PCSK7: variants seen among roughly 807,000 people sequenced by gnomAD.
PCSK7 encodes the protein proprotein convertase subtilisin/kexin type 7, also known as lymphoma proprotein convertase.
PCSK7 carries 38 observed loss-of-function variants against 73.3 expected under a neutral mutation model. The observed-to-expected ratio is 0.52, with a 90% CI of 0.40 to 0.68. The LOEUF is 0.68. Among genes scored for constraint, PCSK7 ranks in the 30% least tolerant of loss-of-function variants. The pLI is 0.00. For synonymous variants in PCSK7, 296 were observed against 383.8 expected, an observed-to-expected ratio of 0.77 and a Z score of 2.68; for missense variants, 692 against 991.5, an observed-to-expected ratio of 0.70 and a Z score of 4.06.
At chr11:117,224,609 G>T in intron 7 of PCSK7, 92 bp downstream of exon 7, 1 of 1,009,052 alleles carries the variant, frequency 9.9e-7, no homozygotes, top group Non-Finnish European at 1.6e-6. Flanking sequence ...GCGTGGAGGT[G>T]GAGTGGGAAG....
chr11:117,204,554 A>G lies in PCSK7; in HGVS notation c.*1443T>C, dbSNP rs1271300312. ...CAGCCTCAGCCCAACTTCTTACCCG[A>G]AAGCATCACTGCCTTGGCCCCTCCC... On this transcript the variant is annotated 3_prime_UTR_variant, in exon 17 of 17. Transcript: ENST00000320934. 4 of 814,280 alleles carry G rather than the reference A, an allele frequency of 4.9e-6. No individual in the cohort carries two copies. The highest frequency in any genetic ancestry group is 6.1e-6 in the Non-Finnish European group (3 of 493,644). 50.4% of individuals were successfully genotyped at this position (814,280 alleles called of 1,614,324 possible).
chr11:117,225,989 T>A lies in PCSK7; in HGVS notation c.802A>T (p.Ser268Cys). 2.5e-6 allele frequency: 4 copies of A among 1,611,568 alleles called. No individual in the cohort carries two copies. Among genetic ancestry groups the A allele is most frequent in the Non-Finnish European group, 3.4e-6 (4 of 1,177,634 alleles). ...TTGTTGAACGCCACTGCCTCCATGCTGTCTGTGAGAGGTCCATCCAGTACC... is the reference window on the plus strand; with the variant it reads ...TTGTTGAACGCCACTGCCTCCATGCAGTCTGTGAGAGGTCCATCCAGTACC... ...IRVLDGPLTD[S>C]MEAVAFNKHY... is the part of the protein sequence containing the mutation. The change falls in exon 6 of 17, where the codon AGC becomes TGC. Residue 268 changes from serine (S) to cysteine (C), a missense_variant. Ser to Cys is a moderately radical substitution (Grantham distance 112). Coordinates refer to ENST00000320934, the MANE Select transcript of PCSK7 (RefSeq NM_004716.4).
Position 117,226,533 on chromosome 11 carries a change from G to A in PCSK7, c.770-512C>T, listed in dbSNP as rs75519898. ...GAGAGAGACAAAGTCTGGCTCTGTCGCCCAGGCTGCAGTGCTGTGGCACTT... is the reference window on the plus strand; with the variant it reads ...GAGAGAGACAAAGTCTGGCTCTGTCACCCAGGCTGCAGTGCTGTGGCACTT... On this transcript the variant is annotated intron_variant, in intron 5 of 16. Coordinates refer to ENST00000320934, the MANE Select transcript of PCSK7 (RefSeq NM_004716.4). 6.8e-4 allele frequency: 109 copies of A among 160,452 alleles called. No homozygotes were observed. In the East Asian group the frequency reaches 0.019, roughly 27 times the overall value. The allele number at this position is 160,452 out of a possible 1,614,324, so 9.9% of individuals were successfully genotyped here.
At chr11:117,224,009 G>A in intron 8 of PCSK7, 69 bp downstream of exon 8, 3 of 1,490,672 alleles carry the variant, frequency 2.0e-6, no homozygotes, top group South Asian at 2.3e-5. Flanking sequence ...CAGAAGCTAG[G>A]ACAAGACGTG....
At chr11:117,227,461 G>C in intron 4 of PCSK7, 139 bp from the exon 5 acceptor site, 1 of 723,528 alleles carries the variant, frequency 1.4e-6, no homozygotes, top group Non-Finnish European at 2.4e-6. Flanking sequence ...TTCTGTTTTT[G>C]AGATGGAGTC....
intron 8 of PCSK7, chr11:117,223,541 A>G (rs1460787723): frequency 1.8e-6 from 1 of 554,770 alleles, no homozygotes; most frequent in Non-Finnish European, 3.2e-6. Flanking sequence ...GCTCTGGGGT[A>G]CAACTGGCAG....
intron 5 of PCSK7, chr11:117,226,341 G>C: frequency 3.1e-6 from 1 of 320,190 alleles, no homozygotes; most frequent in Admixed American, 4.1e-5. Context: ...TCACCATATT[G>C]GTCAGGCTGG....
chr11:117,224,498 G>T (rs969586786), intron 7 of PCSK7, among the ~76,000 whole-genome samples: 4 of 152,116 alleles, frequency 2.6e-5, no homozygotes, highest in Non-Finnish European at 5.9e-5. Context: ...AGATGAAAGG[G>T]AAACAATCTC....
chr11:117,225,212 C>T (rs2032375590), intron 6 of PCSK7: 1 of 157,642 alleles, frequency 6.3e-6, no homozygotes, highest in South Asian at 1.8e-4. Flanking sequence ...CAGGTGCCCA[C>T]CACCAAGCCT....
intron 12 of PCSK7, chr11:117,216,455 T>TTTTG: frequency 6.6e-6 from 1 of 150,858 alleles, no homozygotes; most frequent in Admixed American, 6.6e-5. Flanking sequence ...TTTTTTTTTT[T>TTTTG]TGAGATGGAG....
chr11:117,219,168 A>G lies in PCSK7; in HGVS notation c.1324-4T>C. The G allele has an allele frequency of 6.3e-7, 1 of 1,598,240 alleles. No individual in the cohort carries two copies. ...ACTCTGCACGGCGATCCTCATACTG[A>G]AAGGACAGAGGTCCTGGTTAGTCTC... On this transcript the variant is annotated splice_polypyrimidine_tract_variant and splice_region_variant and intron_variant, in intron 10 of 16. Coordinates refer to ENST00000320934, the MANE Select transcript of PCSK7 (RefSeq NM_004716.4).
At chr11:117,224,283 G>A (rs2134322924) in intron 7 of PCSK7, 67 bp from the exon 8 acceptor site, 3 of 1,525,030 alleles carry the variant, frequency 2.0e-6, no homozygotes, top group Non-Finnish European at 2.7e-6. Flanking sequence ...TACCACATCA[G>A]TCACCCTCTC....
At chr11:117,224,525 TC>T (rs2032334528) in intron 7 of PCSK7, among the ~76,000 whole-genome samples, 175 bp downstream of exon 7, 1 of 152,132 alleles carries the variant, frequency 6.6e-6, no homozygotes, top group Non-Finnish European at 1.5e-5. Flanking sequence ...CTGTTCCATT[TC>T]CCTCTCTAGG....
Position 117,219,584 on chromosome 11 carries a change from A to G in PCSK7, c.1323+7T>C, listed in dbSNP as rs1480570213. ...CCAGGCCACTTGTCTACCTGCTGGT[A>G]TCTCACCCGGGTGGCTGTGAAGACA... On this transcript the variant is annotated splice_region_variant and intron_variant, in intron 10 of 16. Coordinates refer to ENST00000320934, the MANE Select transcript of PCSK7 (RefSeq NM_004716.4). The G allele has an allele frequency of 1.2e-6, 2 of 1,611,690 alleles. No homozygotes were observed. The highest frequency in any genetic ancestry group is 1.1e-5 in the South Asian group (1 of 90,638).
chr11:117,225,054 C>A (rs987492923), intron 6 of PCSK7: 2 of 184,602 alleles, frequency 1.1e-5, no homozygotes, highest in East Asian at 1.0e-4. Context: ...GACATGTAGA[C>A]CTTTTTTTTT....
Position 117,204,617 on chromosome 11 carries a change from G to A in PCSK7, c.*1380C>T. 1.7e-6 allele frequency: 1 copy of A among 573,316 alleles called. No homozygotes were observed. Among genetic ancestry groups the A allele is most frequent in the East Asian group, 3.3e-5 (1 of 30,642 alleles). 35.5% of individuals were successfully genotyped at this position (573,316 alleles called of 1,614,324 possible). A position where few individuals can be genotyped will look rare whatever the true frequency, so the allele number is the denominator to read the frequency against. On this transcript the variant is annotated 3_prime_UTR_variant, in exon 17 of 17. Transcript: ENST00000320934. ...CCATCACCTCTACTGTCTCCTCCCT[G>A]GGCTAAGCAGGGGAGAAGCGGGCTG...
At chr11:117,231,855 A>G (rs776218329) in intron 1 of PCSK7, 172 bp downstream of exon 1, 3 of 152,334 alleles carry the variant, frequency 2.0e-5, no homozygotes, top group Non-Finnish European at 2.9e-5. Context: ...TCTCCTCATT[A>G]GCACCCACAT....
intron 2 of PCSK7, 136 bp from the exon 3 acceptor site, chr11:117,229,992 A>G (rs967922245): frequency 5.0e-6 from 3 of 600,946 alleles, no homozygotes; most frequent in Non-Finnish European, 8.7e-6. Flanking sequence ...GAAACATTTG[A>G]TCTTCTCTTT....
intron 12 of PCSK7, chr11:117,214,381 T>C (rs1252966671): frequency 7.1e-6 from 1 of 139,984 alleles, no homozygotes; most frequent in Non-Finnish European, 1.5e-5. Flanking sequence ...GTCATAAACA[T>C]AGCTGTACTG....
Sources: gnomAD v4.1 joint callset for allele counts (sites outside exome capture counted in the v4.1 genomes callset) on GRCh38, gnomAD v4.1.1 for gene constraint, MANE v1.5 for transcripts, NCBI Gene and HGNC (gene_info 2026-07-23, HGNC 2026-07-21) for gene names.